KALRN: variants seen among roughly 807,000 people sequenced by gnomAD.
KALRN encodes the protein kalirin RhoGEF kinase.
KALRN carries 70 observed loss-of-function variants against 353.7 expected under a neutral mutation model. That is an observed-to-expected ratio of 0.20 (90% confidence interval 0.16 to 0.24). The LOEUF (loss-of-function observed/expected upper bound fraction) is 0.24. KALRN is among the 10% of genes least tolerant of loss of function. The pLI, the probability that KALRN is intolerant of heterozygous loss-of-function variation, is 1.00. For synonymous variants in KALRN, 1,391 were observed against 1,434.8 expected, an observed-to-expected ratio of 0.97 and a Z score of 0.69; for missense variants, 2,791 against 3,756.7, an observed-to-expected ratio of 0.74 and a Z score of 6.72.
At chr3:124,524,166 C>T (rs984065055) in intron 33 of KALRN, among the ~76,000 whole-genome samples, 5 of 152,144 alleles carry the variant, frequency 3.3e-5, no homozygotes, top group African/African-American at 7.2e-5. Flanking sequence ...GGGTTACAGT[C>T]CCACGCAAGC....
intron 48 of KALRN, 46 bp from the exon 49 acceptor site, chr3:124,674,318 C>A: frequency 6.3e-7 from 1 of 1,576,808 alleles, no homozygotes; most frequent in Non-Finnish European, 8.6e-7. Context: ...CCCATGTGAA[C>A]TAGCGTCCTT....
chr3:124,558,531 G>A (rs576610045), intron 33 of KALRN, among the ~76,000 whole-genome samples: 22 of 152,266 alleles, frequency 1.4e-4, no homozygotes, highest in African/African-American at 4.8e-4. Flanking sequence ...CACCGCCCTC[G>A]GCCTCCCGAA....
rs774251256 is a variant in KALRN, at chr3:124,330,246, T to TCACACACACA, written c.1416+286_1416+295dup. On this transcript the variant is annotated intron_variant, in intron 8 of 59. Coordinates refer to ENST00000682506, the MANE Select transcript of KALRN (RefSeq NM_001388419.1). ...CGCATTCATTCTCTCTCTCTCTCTC[T>TCACACACACA]CACACACACACACACACACACACAC... Among the ~76,000 whole-genome samples the TCACACACACA allele has an allele frequency of 5.8e-3, 784 of 134,372 alleles. 1 individual carries two copies. Among genetic ancestry groups the TCACACACACA allele is most frequent in the Middle Eastern group, 0.019 (5 of 260 alleles). 88.2% of individuals were successfully genotyped at this position (134,372 alleles called of 152,430 possible).
At position 124,482,822 on chromosome 3, in the gene KALRN, G is replaced by A. The variant is rs764102759; in HGVS notation, c.4206G>A (p.Arg1402=). The change falls in exon 28 of 60, where the codon CGG becomes CGA. Residue 1402 remains arginine, a synonymous_variant. Transcript: ENST00000682506. ...CATCCCTGCAGGAGATACAACAGCG[G>A]CATGGTCTGGCCAACTCCATCTCTT... ...AGTFFDEIQQ[R]HGLANSISSY... 2.5e-6 allele frequency: 4 copies of A among 1,611,826 alleles called. No homozygotes were observed. In the African/African-American group the frequency reaches 4.0e-5, roughly 16 times the overall value.
chr3:124,495,224 G>A (rs2063576933), intron 32 of KALRN, among the ~76,000 whole-genome samples: 1 of 152,074 alleles, frequency 6.6e-6, no homozygotes. Flanking sequence ...ACCTGTGACT[G>A]TTCACCAATC....
chr3:124,105,812 A>G (rs1005931416), intron 1 of KALRN, among the ~76,000 whole-genome samples: 1 of 152,204 alleles, frequency 6.6e-6, no homozygotes, highest in African/African-American at 2.4e-5. Flanking sequence ...GGTTGGTGGG[A>G]CATTAGGGTC....
intron 1 of KALRN, among the ~76,000 whole-genome samples, chr3:124,044,861 C>G (rs1344482221): frequency 5.2e-5 from 1 of 19,246 alleles, no homozygotes; most frequent in African/African-American, 1.2e-4. Context: ...CTCCCTCCCT[C>G]CTTCCTTCCT....
chr3:124,036,422 T>C (rs2039425855), intron 1 of KALRN, among the ~76,000 whole-genome samples: 1 of 151,972 alleles, frequency 6.6e-6, no homozygotes, highest in South Asian at 2.1e-4. Flanking sequence ...CTGCATAGTA[T>C]TCCATGATGT....
intron 1 of KALRN, among the ~76,000 whole-genome samples, chr3:124,078,449 T>G (rs754591860): frequency 1.3e-5 from 2 of 152,182 alleles, no homozygotes; most frequent in African/African-American, 2.4e-5. Context: ...GGTAAATGCA[T>G]CAGGTACAGT....
At chr3:124,505,362 GT>G (rs1204869716) in intron 33 of KALRN, among the ~76,000 whole-genome samples, 1 of 152,200 alleles carries the variant, frequency 6.6e-6, no homozygotes, top group African/African-American at 2.4e-5. Context: ...GGGCATGGTG[GT>G]TTGCACCTGT....
intron 45 of KALRN, among the ~76,000 whole-genome samples, chr3:124,665,926 G>C (rs1035410553): frequency 6.6e-6 from 1 of 152,202 alleles, no homozygotes; most frequent in African/African-American, 2.4e-5. Flanking sequence ...AGAGAGGGGA[G>C]TGACTTATCA....
At chr3:124,144,155 G>A (rs2066986806) in intron 1 of KALRN, among the ~76,000 whole-genome samples, 1 of 152,146 alleles carries the variant, frequency 6.6e-6, no homozygotes, top group Admixed American at 6.5e-5. Context: ...AGGAAGTCCA[G>A]GATCCAGAGG....
intron 1 of KALRN, among the ~76,000 whole-genome samples, chr3:124,156,969 A>G (rs1035030665): frequency 6.6e-6 from 1 of 152,204 alleles, no homozygotes; most frequent in Non-Finnish European, 1.5e-5. Flanking sequence ...CTTTTAAAAT[A>G]GCTTTTTAAA....
intron 1 of KALRN, among the ~76,000 whole-genome samples, chr3:124,170,665 C>T (rs1475989327): frequency 1.3e-5 from 2 of 151,980 alleles, no homozygotes; most frequent in Admixed American, 1.3e-4. Flanking sequence ...AAACCTCTCT[C>T]ACATTTATGG....
chr3:124,292,711 C>T (rs2076527795), intron 5 of KALRN, among the ~76,000 whole-genome samples: 2 of 152,084 alleles, frequency 1.3e-5, no homozygotes, highest in Admixed American at 1.3e-4. Context: ...GGTGTGATTC[C>T]CCATTTACTG....
At position 124,257,260 on chromosome 3, in the gene KALRN, C is replaced by T. The variant is rs144029932; in HGVS notation, c.264-7238C>T. On this transcript the variant is annotated intron_variant, in intron 3 of 59. Transcript: ENST00000682506. ...GTTTTTATCATTAAACTCTCAAAAA[C>T]CACACCTAAGAGTGCTTAACTGTTG... is the stretch of plus-strand genomic sequence containing the variant. Among the ~76,000 whole-genome samples the T allele has an allele frequency of 1.4e-3, 211 of 152,332 alleles. 1 individual carries two copies. The highest frequency in any genetic ancestry group is 4.7e-3 in the African/African-American group (194 of 41,568).
At chr3:124,497,967 G>A (rs1276706283) in intron 33 of KALRN, among the ~76,000 whole-genome samples, 1 of 152,156 alleles carries the variant, frequency 6.6e-6, no homozygotes, top group Non-Finnish European at 1.5e-5. Flanking sequence ...AGGTATGTGG[G>A]GCTGGACTAG....
chr3:124,691,448 A>C (rs1357325348), intron 51 of KALRN, among the ~76,000 whole-genome samples: 1 of 152,204 alleles, frequency 6.6e-6, no homozygotes, highest in Non-Finnish European at 1.5e-5. Flanking sequence ...AAATAAATTA[A>C]ATAAAGAAAG....
intron 33 of KALRN, among the ~76,000 whole-genome samples, chr3:124,550,839 A>T (rs1209702638): frequency 6.6e-6 from 1 of 152,042 alleles, no homozygotes; most frequent in Non-Finnish European, 1.5e-5. Flanking sequence ...AATACAAAAA[A>T]TTAGCCGGGC....
Sources: gnomAD v4.1 joint callset for allele counts (sites outside exome capture counted in the v4.1 genomes callset) on GRCh38, gnomAD v4.1.1 for gene constraint, MANE v1.5 for transcripts, NCBI Gene and HGNC (gene_info 2026-07-23, HGNC 2026-07-21) for gene names.